Variants in LRRC55 observed in about 807,000 individuals in gnomAD.
LRRC55 encodes leucine-rich repeat-containing protein 55.
Under a neutral mutation model 20.5 loss-of-function variants are expected in LRRC55, and 11 were observed. The ratio of observed to expected loss-of-function variants is 0.54; its 90% CI spans 0.34 to 0.89. LRRC55 has a LOEUF of 0.89. Among genes scored for constraint, LRRC55 ranks in the 40% least tolerant of loss-of-function variants. The pLI, the probability that LRRC55 is intolerant of heterozygous loss-of-function variation, is 0.02. For missense variants in LRRC55, 358 were observed against 390.9 expected (o/e 0.92, Z 0.71); for synonymous variants, 188 against 166.6 (o/e 1.13, Z -0.99).
chr11:57,183,328 A>C (rs1180654231), intron 1 of LRRC55, among the ~76,000 whole-genome samples: 1 of 152,220 alleles, frequency 6.6e-6, no homozygotes, highest in African/African-American at 2.4e-5. Context: ...GTGACAGCCA[A>C]TATGTTCCAG....
intron 1 of LRRC55, among the ~76,000 whole-genome samples, chr11:57,184,193 C>T (rs955237078): frequency 6.6e-6 from 1 of 152,144 alleles, no homozygotes; most frequent in Non-Finnish European, 1.5e-5. Flanking sequence ...TGGGAGGATG[C>T]CTGGAGCAAT....
chr11:57,185,256 T>G (rs1199439706), intron 1 of LRRC55, among the ~76,000 whole-genome samples: 1 of 144,998 alleles, frequency 6.9e-6, no homozygotes, highest in Non-Finnish European at 1.5e-5. Flanking sequence ...TATCCCCTTC[T>G]TTTCTTTTCT....
chr11:57,184,016 C>G (rs1461831454), intron 1 of LRRC55, among the ~76,000 whole-genome samples: 1 of 152,172 alleles, frequency 6.6e-6, no homozygotes, highest in Non-Finnish European at 1.5e-5. Flanking sequence ...AGAAGCAATG[C>G]TGAATGTGGT....
rs143476287 is a variant in LRRC55, at chr11:57,182,373, C to G, written c.351C>G (p.His117Gln). Reference protein sequence around the residue: ...GLFLHAKRLAHLDLSYNNFSH... With the variant: ...GLFLHAKRLAQLDLSYNNFSH... ...TCCTCCATGCCAAGCGCTTGGCACA[C>G]TTGGACCTGAGCTACAACAATTTCA... Residue 117 changes from histidine (H) to glutamine (Q), a missense_variant, in exon 1 of 2, where the codon CAC (histidine) becomes CAG (glutamine). Physicochemically the swap from His to Gln is conservative, Grantham distance 24. Transcript: ENST00000497933. 639 of 1,613,750 alleles carry G rather than the reference C, an allele frequency of 4.0e-4. 1 individual carries two copies. Among genetic ancestry groups the G allele is most frequent in the Non-Finnish European group, 5.1e-4 (601 of 1,179,974 alleles).
chr11:57,185,341 T>G (rs1401347238), intron 1 of LRRC55, among the ~76,000 whole-genome samples: 1 of 127,340 alleles, frequency 7.9e-6, no homozygotes, highest in East Asian at 2.5e-4. Context: ...AGTGCAGTGG[T>G]GCAATCTCAG....
chr11:57,182,184 G>A lies in LRRC55; in HGVS notation c.162G>A (p.Gln54=), dbSNP rs2135331037. 1 of 1,614,166 alleles carries A rather than the reference G, an allele frequency of 6.2e-7. No homozygotes were observed. The highest frequency in any genetic ancestry group is 8.5e-7 in the Non-Finnish European group (1 of 1,180,028). ...CRNQVVDCSS[Q]RLFSVPPDLP... is the part of the protein sequence containing the mutation. The stretch of plus-strand genomic sequence containing the variant: ...ACCAGGTGGTGGATTGTAGCAGCCA[G>A]CGGCTATTCTCCGTGCCCCCAGACC... Residue 54 remains glutamine, a synonymous_variant, in exon 1 of 2, where the codon CAG becomes CAA. Coordinates refer to ENST00000497933, the MANE Select transcript of LRRC55 (RefSeq NM_001005210.4).
intron 1 of LRRC55, among the ~76,000 whole-genome samples, chr11:57,184,962 G>T (rs1312303908): frequency 6.6e-6 from 1 of 152,172 alleles, no homozygotes; most frequent in African/African-American, 2.4e-5. Flanking sequence ...CGCGAGTCAA[G>T]CCCAGAGAGG....
rs759224736 is a variant in LRRC55 at position 57,182,697 on chromosome 11, A to G, written c.661+14A>G. On this transcript the variant is annotated intron_variant, in intron 1 of 1. Transcript: ENST00000497933. ...GCTGTACAGCAGGTAATAGAGGGGC[A>G]GAACGGGGCAGTCAACAGGGAGGGC... 10 of 1,467,296 alleles carry G rather than the reference A, an allele frequency of 6.8e-6. No homozygotes were observed. The highest frequency in any genetic ancestry group is 9.0e-6 in the Non-Finnish European group (10 of 1,106,566). The allele number at this position is 1,467,296 out of a possible 1,614,324, so 90.9% of individuals were successfully genotyped here. A position where few individuals can be genotyped will look rare whatever the true frequency, so the allele number is the denominator to read the frequency against.
intron 1 of LRRC55, 76 bp from the exon 2 acceptor site, chr11:57,187,169 C>G: frequency 7.8e-7 from 1 of 1,283,456 alleles, no homozygotes; most frequent in Non-Finnish European, 1.1e-6. Flanking sequence ...CTTTTTCCAG[C>G]AAGCGGTTGT....
chr11:57,184,093 G>A (rs537462395), intron 1 of LRRC55, among the ~76,000 whole-genome samples: 54 of 152,324 alleles, frequency 3.5e-4, no homozygotes, highest in African/African-American at 1.2e-3. Context: ...TGTGGGTCAC[G>A]ATTCCAGTGT....
chr11:57,182,029 G>A lies in LRRC55; in HGVS notation c.7G>A (p.Asp3Asn). The stretch of plus-strand genomic sequence containing the variant: ...CTGTTGCCTGCTGCCTAAGATGGGT[G>A]ACACTTGGGCCCAGCTTCCCTGGCC... MG[D>N]TWAQLPWPGP... Residue 3 changes from aspartate to asparagine, a missense_variant, in exon 1 of 2, where the codon GAC becomes AAC. This residue lies in a region of LRRC55 where 175 missense variants were observed against 164.5 expected (regional missense o/e 1.06). Coordinates refer to ENST00000497933, the MANE Select transcript of LRRC55 (RefSeq NM_001005210.4). 1 of 1,614,178 alleles carries A rather than the reference G, an allele frequency of 6.2e-7. No individual in the cohort carries two copies. The highest frequency in any genetic ancestry group is 8.5e-7 in the Non-Finnish European group (1 of 1,180,034).
rs1279625538 is a variant in LRRC55 at position 57,182,324 on chromosome 11, T to C, written c.302T>C (p.Leu101Ser). 1 of 1,614,004 alleles carries C rather than the reference T, an allele frequency of 6.2e-7. No homozygotes were observed. Among genetic ancestry groups the C allele is most frequent in the African/African-American group, 1.3e-5 (1 of 75,010 alleles). The change falls in exon 1 of 2, where the codon TTA becomes TCA. Residue 101 changes from leucine (L) to serine (S), a missense_variant. Leu to Ser is a moderately radical substitution (Grantham distance 145). Transcript: ENST00000497933. The part of the protein sequence containing the change: ...LQVLDLHNNS[L>S]MELPRGLFLH... ...GTGCTGGATTTGCACAACAACTCCT[T>C]AATGGAGCTGCCCCGGGGCCTCTTC...
chr11:57,187,216 C>A (rs1854442631), intron 1 of LRRC55, 29 bp from the exon 2 acceptor site: 1 of 1,598,378 alleles, frequency 6.3e-7, no homozygotes, highest in Non-Finnish European at 8.6e-7. Context: ...TCCCTGGGTA[C>A]CTCACCCTCC....
At chr11:57,186,982 G>C (rs1319731508) in intron 1 of LRRC55, among the ~76,000 whole-genome samples, 1 of 152,074 alleles carries the variant, frequency 6.6e-6, no homozygotes, top group Non-Finnish European at 1.5e-5. Context: ...GGTGTCCCCA[G>C]ATCTACCACT....
At position 57,190,129 on chromosome 11, in the gene LRRC55, G is replaced by A. The variant is rs2135339260; in HGVS notation, c.*2649G>A. The A allele has an allele frequency of 6.6e-6, 1 of 152,250 alleles. No homozygotes were observed. 9.4% of individuals were successfully genotyped at this position (152,250 alleles called of 1,614,324 possible). On this transcript the variant is annotated 3_prime_UTR_variant, in exon 2 of 2. Transcript: ENST00000497933. ...CAAAATAGAAAAGTTTCCCATAGGG[G>A]CATACCATAATACTATAATAACCTC...
At position 57,182,118 on chromosome 11, in the gene LRRC55, G is replaced by A. The variant is rs376198292; in HGVS notation, c.96G>A (p.Ser32=). 6.1e-5 allele frequency: 98 copies of A among 1,614,162 alleles called. No homozygotes were observed. In the Middle Eastern group the frequency reaches 6.6e-4, roughly 11 times the overall value. ...SLLLAAGLMH[S]DAGTSCPVLC... is the part of the protein sequence containing the mutation. ...TCTTGGCAGCCGGGTTGATGCACTCGGATGCCGGCACCAGCTGCCCCGTCC... is the reference window on the plus strand; with the variant it reads ...TCTTGGCAGCCGGGTTGATGCACTCAGATGCCGGCACCAGCTGCCCCGTCC... Residue 32 remains serine, a synonymous_variant, in exon 1 of 2, where the codon TCG becomes TCA. Coordinates refer to ENST00000497933, the MANE Select transcript of LRRC55 (RefSeq NM_001005210.4).
At position 57,190,243 on chromosome 11, in the gene LRRC55, T is replaced by A. The variant is rs1854490226; in HGVS notation, c.*2763T>A. On this transcript the variant is annotated 3_prime_UTR_variant, in exon 2 of 2. Coordinates refer to ENST00000497933, the MANE Select transcript of LRRC55 (RefSeq NM_001005210.4). ...GACTAGAACCAGAAAAGACACCAAATGCCCCCTTGACATCAATGTCCTTTC... is the reference window on the plus strand; with the variant it reads ...GACTAGAACCAGAAAAGACACCAAAAGCCCCCTTGACATCAATGTCCTTTC... 6.6e-6 allele frequency: 1 copy of A among 152,238 alleles called. No homozygotes were observed. The highest frequency in any genetic ancestry group is 6.5e-5 in the Admixed American group (1 of 15,284). 9.4% of individuals were successfully genotyped at this position (152,238 alleles called of 1,614,324 possible).
In LRRC55 at chr11:57,191,646, C is replaced by T. The variant is rs1416206077; in HGVS notation, c.*4166C>T. 6.6e-6 allele frequency: 1 copy of T among 152,142 alleles called. No individual in the cohort carries two copies. Among genetic ancestry groups the T allele is most frequent in the African/African-American group, 2.4e-5 (1 of 41,426 alleles). 9.4% of individuals were successfully genotyped at this position (152,142 alleles called of 1,614,324 possible). ...CTTTGTATGGAGATGATTTTATAACCATGCACTTTTGTAACTGTGCAGAAT... is the reference window on the plus strand; with the variant it reads ...CTTTGTATGGAGATGATTTTATAACTATGCACTTTTGTAACTGTGCAGAAT... On this transcript the variant is annotated 3_prime_UTR_variant, in exon 2 of 2. Transcript: ENST00000497933.
chr11:57,183,848 T>C lies in LRRC55; in HGVS notation c.661+1165T>C, dbSNP rs145466087. Among the ~76,000 whole-genome samples, 438 of 152,282 alleles carry C rather than the reference T, an allele frequency of 2.9e-3. 5 individuals are homozygous for C. The highest frequency in any genetic ancestry group is 7.7e-3 in the Admixed American group (118 of 15,300). Reference sequence around the variant, plus strand: ...TGATGGGCATCCCAACCCAGTGGCATCTGAGCCTGACCCAGAGGCAGGCAA... The same window carrying C: ...TGATGGGCATCCCAACCCAGTGGCACCTGAGCCTGACCCAGAGGCAGGCAA... On this transcript the variant is annotated intron_variant, in intron 1 of 1. Coordinates refer to ENST00000497933, the MANE Select transcript of LRRC55 (RefSeq NM_001005210.4).
Sources: gnomAD v4.1 joint callset for allele counts (sites outside exome capture counted in the v4.1 genomes callset) on GRCh38, gnomAD v4.1.1 for gene constraint, gnomAD v4.1.1 regional missense constraint, MANE v1.5 for transcripts, NCBI Gene and HGNC (gene_info 2026-07-23, HGNC 2026-07-21) for gene names.